DGKB: variants seen among roughly 807,000 people sequenced by gnomAD.
The protein encoded by DGKB is diacylglycerol kinase beta, also known as 90 kDa diacylglycerol kinase.
DGKB carries 67 observed loss-of-function variants against 114.3 expected under a neutral mutation model. The ratio of observed to expected loss-of-function variants is 0.59; its 90% CI spans 0.48 to 0.72. The LOEUF is 0.72. Among genes scored for constraint, DGKB ranks in the 30% least tolerant of loss-of-function variants. DGKB has a pLI of 0.00. For missense variants in DGKB, 907 were observed against 975.2 expected (o/e 0.93, Z 0.93); for synonymous variants, 398 against 323.1 (o/e 1.23, Z -2.49).
intron 14 of DGKB, among the ~76,000 whole-genome samples, chr7:14,623,463 CT>C (rs1808012672): frequency 6.6e-6 from 1 of 152,118 alleles, no homozygotes; most frequent in Admixed American, 6.6e-5. Context: ...TATAATCACC[CT>C]TCTCTGCTAT....
At chr7:14,576,803 T>C (rs961185637) in intron 19 of DGKB, among the ~76,000 whole-genome samples, 2 of 152,140 alleles carry the variant, frequency 1.3e-5, no homozygotes, top group Non-Finnish European at 2.9e-5. Context: ...TCTTTACCAC[T>C]GGATATGTGT....
intron 1 of DGKB, among the ~76,000 whole-genome samples, chr7:14,862,473 A>AAC (rs1326260241): frequency 5.3e-5 from 8 of 152,174 alleles, no homozygotes; most frequent in Admixed American, 3.3e-4. Flanking sequence ...TGGTTATAAC[A>AAC]ACTTTCTGGG....
At chr7:14,646,017 T>A (rs1812924728) in intron 13 of DGKB, among the ~76,000 whole-genome samples, 1 of 152,184 alleles carries the variant, frequency 6.6e-6, no homozygotes, top group African/African-American at 2.4e-5. Flanking sequence ...GTAGTTAGTC[T>A]TCACCTATCA....
At chr7:14,236,872 A>G (rs748882000) in intron 23 of DGKB, among the ~76,000 whole-genome samples, 7 of 151,900 alleles carry the variant, frequency 4.6e-5, no homozygotes, top group Non-Finnish European at 8.8e-5. Context: ...TCAGAATTTA[A>G]CATTAAGCAC....
rs1797695729 is a variant in DGKB at position 14,267,542 on chromosome 7, G to A, written c.2122+70973C>T. Among the ~76,000 whole-genome samples, 3 of 151,254 alleles carry A rather than the reference G, an allele frequency of 2.0e-5. No homozygotes were observed. The South Asian group carries it at 6.3e-4, about 32-fold the overall frequency. ...CTGGCTCTGTTGCCCAGGCTGGAGT[G>A]CAGTGGTGCCATCTCGGCTCACTGC... On this transcript the variant is annotated intron_variant, in intron 23 of 25. Coordinates refer to ENST00000402815, the MANE Select transcript of DGKB (RefSeq NM_001350709.2).
rs760439655 is a variant in DGKB, at chr7:14,685,206, C to CT, written c.829+38dup. On this transcript the variant is annotated intron_variant, in intron 10 of 25. Coordinates refer to ENST00000402815, the MANE Select transcript of DGKB (RefSeq NM_001350709.2). ...ATTCCATGAAATCAACCTTTCCTCA[C>CT]TTGAGGAGATGATGTCCAGGCAGAG... The CT allele has an allele frequency of 5.9e-6, 8 of 1,360,922 alleles. No individual in the cohort carries two copies. In the Admixed American group the frequency reaches 1.3e-4, roughly 23 times the overall value. The allele number at this position is 1,360,922 out of a possible 1,614,324, so 84.3% of individuals were successfully genotyped here. A position where few individuals can be genotyped will look rare whatever the true frequency, so the allele number is the denominator to read the frequency against.
At chr7:14,426,424 T>C (rs1827535391) in intron 21 of DGKB, among the ~76,000 whole-genome samples, 2 of 152,100 alleles carry the variant, frequency 1.3e-5, no homozygotes, top group Admixed American at 1.3e-4. Context: ...GATCAGCAAA[T>C]GTTTGCTGAA....
At chr7:14,948,588 T>C (rs1282853128) in intron 1 of DGKB, among the ~76,000 whole-genome samples, 1 of 151,846 alleles carries the variant, frequency 6.6e-6, no homozygotes. Context: ...CACATTAATC[T>C]AAAGACCATG....
chr7:14,822,495 G>A (rs1845082747), intron 2 of DGKB, among the ~76,000 whole-genome samples: 1 of 152,108 alleles, frequency 6.6e-6, no homozygotes, highest in Non-Finnish European at 1.5e-5. Flanking sequence ...CAAATAATTT[G>A]AAGAGCTCAG....
At chr7:14,920,609 T>C (rs1214470915) in intron 1 of DGKB, among the ~76,000 whole-genome samples, 1 of 152,208 alleles carries the variant, frequency 6.6e-6, no homozygotes, top group Non-Finnish European at 1.5e-5. Flanking sequence ...AAGTTAAACA[T>C]AGTCTTATCA....
At chr7:14,913,946 C>T (rs1182630158) in intron 1 of DGKB, among the ~76,000 whole-genome samples, 4 of 151,940 alleles carry the variant, frequency 2.6e-5, no homozygotes, top group Non-Finnish European at 4.4e-5. Flanking sequence ...GATCAGCTTA[C>T]CTAGGAAAAA....
intron 17 of DGKB, among the ~76,000 whole-genome samples, chr7:14,584,317 T>G (rs190442273): frequency 6.6e-6 from 1 of 152,328 alleles, no homozygotes; most frequent in Non-Finnish European, 1.5e-5. Flanking sequence ...TATTTAACAT[T>G]AGTTGAAGAA....
At chr7:14,787,313 A>G (rs1304278537) in intron 2 of DGKB, among the ~76,000 whole-genome samples, 3 of 152,220 alleles carry the variant, frequency 2.0e-5, no homozygotes, top group Non-Finnish European at 4.4e-5. Flanking sequence ...GCAATTATTT[A>G]GAAATAAAGC....
At chr7:14,909,007 ATG>A (rs34922339) in intron 1 of DGKB, among the ~76,000 whole-genome samples, 14,609 of 152,214 alleles carry the variant, frequency 0.096, 976 homozygotes, top group Middle Eastern at 0.16. Context: ...TTCTCAGTCT[ATG>A]ACTGGCTGGA....
chr7:14,425,511 A>C (rs2128773894), intron 21 of DGKB, among the ~76,000 whole-genome samples: 1 of 152,290 alleles, frequency 6.6e-6, no homozygotes, highest in Middle Eastern at 3.4e-3. Flanking sequence ...CATAAATTTA[A>C]AAATTTATGC....
chr7:14,212,884 G>C (rs1010768553), intron 23 of DGKB, among the ~76,000 whole-genome samples: 3 of 151,926 alleles, frequency 2.0e-5, no homozygotes, highest in Non-Finnish European at 4.4e-5. Context: ...CAATTAGTAA[G>C]TATTGCCAAT....
intron 20 of DGKB, among the ~76,000 whole-genome samples, chr7:14,515,547 A>G (rs977679553): frequency 3.3e-5 from 5 of 152,210 alleles, no homozygotes; most frequent in African/African-American, 1.2e-4. Context: ...GGATATCAAC[A>G]GATTTCAAAA....
chr7:14,173,375 T>G, intron 25 of DGKB, among the ~76,000 whole-genome samples: 1 of 152,310 alleles, frequency 6.6e-6, no homozygotes, highest in East Asian at 1.9e-4. Flanking sequence ...TAACTTACAT[T>G]TTTAAGTGTG....
chr7:14,213,237 C>T (rs1160344169), intron 23 of DGKB, among the ~76,000 whole-genome samples: 1 of 151,982 alleles, frequency 6.6e-6, no homozygotes, highest in Non-Finnish European at 1.5e-5. Flanking sequence ...GTATATATAT[C>T]CCTCTGTTAG....
Sources: allele counts gnomAD v4.1 joint callset (sites outside exome capture counted in the v4.1 genomes callset), GRCh38; gene constraint gnomAD v4.1.1; transcripts MANE v1.5; gene names NCBI Gene and HGNC (gene_info 2026-07-23, HGNC 2026-07-21).